The following CNTNAP2 variants were observed in gnomAD, a reference collection of about 807,000 sequenced individuals.
CNTNAP2 encodes contactin associated protein 2.
A neutral mutation model predicts 155.2 loss-of-function variants in CNTNAP2; 98 were observed. The ratio of observed to expected loss-of-function variants is 0.63; its 90% CI spans 0.54 to 0.75. The LOEUF (loss-of-function observed/expected upper bound fraction) is 0.75, where lower values mean the gene tolerates loss of function less well. CNTNAP2 is among the 30% of genes least tolerant of loss of function. The pLI is 0.00. For missense variants in CNTNAP2, 1,727 were observed against 1,688.1 expected (o/e 1.02, Z -0.40); for synonymous variants, 651 against 631.2 (o/e 1.03, Z -0.47).
chr7:147,676,418 T>C (rs1017296010), intron 13 of CNTNAP2, among the ~76,000 whole-genome samples: 6 of 152,028 alleles, frequency 3.9e-5, no homozygotes, highest in Non-Finnish European at 8.8e-5. Context: ...ATTTGTTCAC[T>C]ATATATAATA....
chr7:148,394,860 T>C (rs1773888043), intron 22 of CNTNAP2, among the ~76,000 whole-genome samples: 1 of 152,118 alleles, frequency 6.6e-6, no homozygotes, highest in African/African-American at 2.4e-5. Flanking sequence ...ATTTCATAGG[T>C]TTCCCCTGGA....
intron 1 of CNTNAP2, among the ~76,000 whole-genome samples, chr7:146,265,885 T>C (rs1799986997): frequency 6.6e-6 from 1 of 152,284 alleles, no homozygotes; most frequent in South Asian, 2.1e-4. Context: ...TTTGTGTCCC[T>C]AAGGGGAGAT....
At chr7:148,177,521 A>T (rs909658714) in intron 18 of CNTNAP2, among the ~76,000 whole-genome samples, 1 of 152,250 alleles carries the variant, frequency 6.6e-6, no homozygotes, top group Non-Finnish European at 1.5e-5. Flanking sequence ...AAGTTCGAAG[A>T]AAAACCTACC....
chr7:146,503,419 A>C (rs1404510124), intron 1 of CNTNAP2, among the ~76,000 whole-genome samples: 1 of 152,162 alleles, frequency 6.6e-6, no homozygotes, highest in African/African-American at 2.4e-5. Context: ...CAGCTATCTT[A>C]AGTGTTAGTG....
intron 1 of CNTNAP2, among the ~76,000 whole-genome samples, chr7:146,495,047 A>G (rs1341964614): frequency 1.3e-5 from 2 of 152,216 alleles, no homozygotes; most frequent in African/African-American, 2.4e-5. Flanking sequence ...TTTATAAGTG[A>G]TTAAATTGAA....
intron 1 of CNTNAP2, among the ~76,000 whole-genome samples, chr7:146,240,889 C>T (rs1395624523): frequency 1.3e-5 from 2 of 152,258 alleles, no homozygotes; most frequent in Middle Eastern, 3.4e-3. Context: ...TGGCTCTGCA[C>T]GCTGTACAAG....
intron 13 of CNTNAP2, among the ~76,000 whole-genome samples, chr7:147,665,125 A>G (rs937993681): frequency 6.6e-6 from 1 of 152,008 alleles, no homozygotes; most frequent in African/African-American, 2.4e-5. Flanking sequence ...ACCCCTTATA[A>G]CCCTTTCTGA....
chr7:146,492,874 T>G (rs559754859), intron 1 of CNTNAP2, among the ~76,000 whole-genome samples: 1 of 152,308 alleles, frequency 6.6e-6, no homozygotes, highest in South Asian at 2.1e-4. Context: ...CTGAATGCAA[T>G]AAAATATTAT....
intron 15 of CNTNAP2, among the ~76,000 whole-genome samples, chr7:147,985,315 G>T (rs1322563771): frequency 2.6e-5 from 4 of 151,248 alleles, no homozygotes; most frequent in Admixed American, 6.6e-5. Flanking sequence ...TCCCTCTGGG[G>T]CTCTCCTTGG....
intron 13 of CNTNAP2, among the ~76,000 whole-genome samples, chr7:147,866,269 T>TG (rs201466937): frequency 0.013 from 1,673 of 127,028 alleles, 92 homozygotes; most frequent in Admixed American, 0.11. Context: ...CTAAATTGAT[T>TG]GCACTGTGGT....
intron 12 of CNTNAP2, among the ~76,000 whole-genome samples, chr7:147,631,800 C>G (rs980725941): frequency 1.3e-5 from 2 of 152,132 alleles, no homozygotes; most frequent in African/African-American, 2.4e-5. Context: ...GAAGCTGCAT[C>G]CTCATCGCTT....
intron 1 of CNTNAP2, among the ~76,000 whole-genome samples, chr7:146,734,634 G>T (rs1282464316): frequency 6.6e-6 from 1 of 152,044 alleles, no homozygotes; most frequent in Non-Finnish European, 1.5e-5. Flanking sequence ...AAAGGTAAGA[G>T]GTCTGAACCA....
At chr7:148,381,337 C>G (rs1289727702) in intron 21 of CNTNAP2, 2 of 152,188 alleles carry the variant, frequency 1.3e-5, no homozygotes, top group Non-Finnish European at 2.9e-5. Flanking sequence ...TGTCCCACAT[C>G]CAGGAGAAAT....
At chr7:147,902,882 G>A (rs1799896203) in intron 13 of CNTNAP2, among the ~76,000 whole-genome samples, 1 of 149,660 alleles carries the variant, frequency 6.7e-6, no homozygotes, top group Admixed American at 6.7e-5. Context: ...TGACTGATGG[G>A]CATTTAGGTT....
intron 1 of CNTNAP2, among the ~76,000 whole-genome samples, chr7:146,588,056 T>C (rs1029007978): frequency 6.0e-5 from 9 of 151,104 alleles, no homozygotes; most frequent in Non-Finnish European, 1.3e-4. Context: ...TATTAGAAAA[T>C]AGATGCTTTA....
intron 12 of CNTNAP2, among the ~76,000 whole-genome samples, chr7:147,627,018 A>G (rs1794992542): frequency 6.6e-6 from 1 of 152,152 alleles, no homozygotes; most frequent in South Asian, 2.1e-4. Flanking sequence ...CCCCAGCACC[A>G]GTCTAGAGCC....
chr7:146,554,459 CT>C (rs1258831978), intron 1 of CNTNAP2, among the ~76,000 whole-genome samples: 9 of 152,134 alleles, frequency 5.9e-5, no homozygotes, highest in Non-Finnish European at 1.3e-4. Context: ...AATTGTAATA[CT>C]TTTTTTAAAA....
At chr7:147,809,365 C>T (rs912315848) in intron 13 of CNTNAP2, among the ~76,000 whole-genome samples, 1 of 152,198 alleles carries the variant, frequency 6.6e-6, no homozygotes, top group Non-Finnish European at 1.5e-5. Context: ...CAGTGCTGGG[C>T]ACTAGTGCTA....
chr7:146,812,121 AACAG>A (rs1163700094), intron 2 of CNTNAP2, among the ~76,000 whole-genome samples: 4 of 152,132 alleles, frequency 2.6e-5, no homozygotes, highest in Admixed American at 6.6e-5. Flanking sequence ...GGAACTGGGT[AACAG>A]ACAGAGCTTG....
Sources: gnomAD v4.1 joint callset for allele counts (sites outside exome capture counted in the v4.1 genomes callset) on GRCh38, gnomAD v4.1.1 for gene constraint, MANE v1.5 for transcripts, NCBI Gene and HGNC (gene_info 2026-07-23, HGNC 2026-07-21) for gene names.